SNX16: variants seen among roughly 807,000 people sequenced by gnomAD.
The protein encoded by SNX16 is sorting nexin-16.
A neutral mutation model predicts 36.7 loss-of-function variants in SNX16; 35 were observed. That is an observed-to-expected ratio of 0.95 (90% CI 0.73 to 1.27). SNX16 has a LOEUF of 1.27. Ranked by LOEUF, SNX16 falls within the 50% of genes most tolerant of loss-of-function variation. The probability of loss-of-function intolerance (pLI) is 0.00; values close to 1 mark genes in which losing one functional copy is unlikely to be tolerated. For synonymous variants in SNX16, 134 were observed against 132.0 expected (o/e 1.02, Z -0.10); for missense variants, 367 against 393.6 (o/e 0.93, Z 0.57).
intron 2 of SNX16, among the ~76,000 whole-genome samples, chr8:81,830,855 A>C (rs1172181104): frequency 6.6e-6 from 1 of 152,188 alleles, no homozygotes; most frequent in Non-Finnish European, 1.5e-5. Flanking sequence ...ACACTACCTG[A>C]CTTCAAATTA....
chr8:81,799,851 A>G lies in SNX16; in HGVS notation c.*1646T>C, dbSNP rs1005012867. On this transcript the variant is annotated 3_prime_UTR_variant, in exon 8 of 8. Transcript: ENST00000345957. The stretch of plus-strand genomic sequence containing the variant: ...TAAGATACAGAATGGTACTGATTAA[A>G]TGATTGTTCTTTTTAAGCCTTTTGT... 26 of 151,946 alleles carry G rather than the reference A, an allele frequency of 1.7e-4. No homozygotes were observed. Among genetic ancestry groups the G allele is most frequent in the Admixed American group, 6.6e-5 (1 of 15,262 alleles). The allele number at this position is 151,946 out of a possible 1,614,324, so 9.4% of individuals were successfully genotyped here. A position where few individuals can be genotyped will look rare whatever the true frequency, so the allele number is the denominator to read the frequency against.
chr8:81,839,965 C>G lies in SNX16; in HGVS notation c.22G>C (p.Val8Leu). Residue 8 changes from valine to leucine, a missense_variant, in exon 2 of 8, where the codon GTT becomes CTT. By Grantham distance (32) the Val-to-Leu change is conservative (BLOSUM62 1). Coordinates refer to ENST00000345957, the MANE Select transcript of SNX16 (RefSeq NM_152836.3). ...GCAGAGTTTCCTATGGGCATAGGAA[C>G]TGGGACATAAGGAGTTGCCATCTTC... is the stretch of plus-strand genomic sequence containing the variant. MATPYVP[V>L]PMPIGNSASS... 1 of 1,611,714 alleles carries G rather than the reference C, an allele frequency of 6.2e-7. No individual in the cohort carries two copies.
intron 4 of SNX16, among the ~76,000 whole-genome samples, chr8:81,818,745 A>G (rs1009731395): frequency 3.3e-5 from 5 of 152,110 alleles, no homozygotes; most frequent in Admixed American, 2.0e-4. Context: ...AGCCAGTATC[A>G]GCATCACCTA....
chr8:81,841,750 C>T (rs1456813034), intron 1 of SNX16: 1 of 152,328 alleles, frequency 6.6e-6, no homozygotes, highest in Non-Finnish European at 1.5e-5. Context: ...TCTGGAAAAC[C>T]TCAGGTGAGG....
chr8:81,811,424 C>G lies in SNX16; in HGVS notation c.681+3901G>C, dbSNP rs149727773. 3.7e-3 allele frequency among the ~76,000 whole-genome samples: 566 copies of G among 152,268 alleles called. 1 individual carries two copies. Among genetic ancestry groups the G allele is most frequent in the Admixed American group, 6.7e-3 (102 of 15,282 alleles). On this transcript the variant is annotated intron_variant, in intron 5 of 7. Coordinates refer to ENST00000345957, the MANE Select transcript of SNX16 (RefSeq NM_152836.3). ...ACAGCATACTTGAAAATGACCTTAA[C>G]TTTAAATACACTCCTTAGACTATAT...
chr8:81,820,856 T>G (rs1810711327), intron 4 of SNX16, among the ~76,000 whole-genome samples: 2 of 151,906 alleles, frequency 1.3e-5, no homozygotes, highest in Non-Finnish European at 2.9e-5. Context: ...TTTTATACCC[T>G]TTAACACAGG....
At chr8:81,809,290 T>A (rs1006930177) in intron 5 of SNX16, among the ~76,000 whole-genome samples, 4 of 152,296 alleles carry the variant, frequency 2.6e-5, no homozygotes, top group African/African-American at 4.8e-5. Flanking sequence ...CCAAGCAAAA[T>A]CATGGAATTA....
chr8:81,815,199 T>TGTTTGAGTCAAAGGTTGCTTTCA, intron 5 of SNX16, 126 bp downstream of exon 5: 1 of 621,720 alleles, frequency 1.6e-6, no homozygotes, highest in Non-Finnish European at 2.5e-6. Context: ...GAAAGCTTTC[T>TGTTTGAGTCAAAGGTTGCTTTCA]GTGCAAAACT....
chr8:81,835,495 T>C (rs112218030), intron 2 of SNX16, among the ~76,000 whole-genome samples: 3,166 of 152,322 alleles, frequency 0.021, 110 homozygotes, highest in African/African-American at 0.072. Flanking sequence ...ACTTTTATGC[T>C]GTGCTTCCGT....
intron 5 of SNX16, 47 bp downstream of exon 5, chr8:81,815,278 T>G: frequency 7.2e-7 from 1 of 1,382,438 alleles, no homozygotes. Flanking sequence ...GTTATTGTAC[T>G]GCATTAATTG....
chr8:81,815,623 G>C (rs945758945), intron 4 of SNX16: 1 of 372,400 alleles, frequency 2.7e-6, no homozygotes, highest in African/African-American at 2.0e-5. Flanking sequence ...ACAAACTATG[G>C]GGCATAAAAC....
chr8:81,812,775 G>A (rs560152298), intron 5 of SNX16, among the ~76,000 whole-genome samples: 13 of 152,130 alleles, frequency 8.5e-5, no homozygotes, highest in African/African-American at 3.1e-4. Flanking sequence ...CATTTCTTAA[G>A]TTCTTTAGAG....
At chr8:81,818,653 C>A (rs777865701) in intron 4 of SNX16, among the ~76,000 whole-genome samples, 1 of 152,124 alleles carries the variant, frequency 6.6e-6, no homozygotes, top group East Asian at 1.9e-4. Flanking sequence ...AAAATCTGAG[C>A]TGATAGTACC....
rs1159697572 is a variant in SNX16 at position 81,808,141 on chromosome 8, TA to T, written c.682-4914del. On this transcript the variant is annotated intron_variant, in intron 5 of 7. Coordinates refer to ENST00000345957, the MANE Select transcript of SNX16 (RefSeq NM_152836.3). The stretch of plus-strand genomic sequence containing the variant: ...CACTGAAGAACATCACCTAAGAGAT[TA>T]TTTTGAACAGTGTGGAAAAATGGAA... The T allele has an allele frequency of 3.5e-5, 45 of 1,271,980 alleles. No homozygotes were observed. The African/African-American group carries it at 4.7e-4, about 13-fold the overall frequency. The allele number at this position is 1,271,980 out of a possible 1,614,324, so 78.8% of individuals were successfully genotyped here.
chr8:81,816,044 T>C (rs1456932374), intron 4 of SNX16, among the ~76,000 whole-genome samples: 1 of 152,148 alleles, frequency 6.6e-6, no homozygotes, highest in Non-Finnish European at 1.5e-5. Context: ...TAAAAATGCC[T>C]CCCTGCCTTT....
chr8:81,810,259 A>T (rs1810174548), intron 5 of SNX16, among the ~76,000 whole-genome samples: 1 of 152,194 alleles, frequency 6.6e-6, no homozygotes, highest in Non-Finnish European at 1.5e-5. Flanking sequence ...TTATATCCCT[A>T]ATCTTAATTC....
Position 81,815,321 on chromosome 8 carries a change from T to TC in SNX16, c.681+3_681+4insG. ...TTTCATGTGCTATATAATACAGCAC[T>TC]TACCCTGCTTTCTTCTAGGCTATCA... On this transcript the variant is annotated splice_donor_region_variant and intron_variant, in intron 5 of 7. Coordinates refer to ENST00000345957, the MANE Select transcript of SNX16 (RefSeq NM_152836.3). 6.2e-7 allele frequency: 1 copy of TC among 1,610,042 alleles called. No homozygotes were observed. The highest frequency in any genetic ancestry group is 1.3e-5 in the African/African-American group (1 of 74,950).
intron 2 of SNX16, among the ~76,000 whole-genome samples, chr8:81,831,162 C>T (rs1275665167): frequency 6.6e-6 from 1 of 151,954 alleles, no homozygotes; most frequent in African/African-American, 2.4e-5. Context: ...TATAAGAGTC[C>T]CAGAAGAAAA....
chr8:81,826,150 T>A (rs992777277), intron 3 of SNX16, among the ~76,000 whole-genome samples: 1 of 151,896 alleles, frequency 6.6e-6, no homozygotes, highest in Non-Finnish European at 1.5e-5. Context: ...GAAAAAAAAT[T>A]GCCAGAAAGA....
Sources: gnomAD v4.1 joint callset for allele counts (sites outside exome capture counted in the v4.1 genomes callset) on GRCh38, gnomAD v4.1.1 for gene constraint, MANE v1.5 for transcripts, NCBI Gene and HGNC (gene_info 2026-07-23, HGNC 2026-07-21) for gene names.